Variants in PHACTR1 observed in about 807,000 individuals in gnomAD.
PHACTR1 encodes RPEL repeat containing 1.
A neutral mutation model predicts 69.2 loss-of-function variants in PHACTR1; 16 were observed. The ratio of observed to expected loss-of-function variants is 0.23; its 90% CI spans 0.16 to 0.35. The LOEUF is 0.35. Ranked by LOEUF, PHACTR1 falls within the 10% of genes least tolerant of loss-of-function variation. The pLI, the probability that PHACTR1 is intolerant of heterozygous loss-of-function variation, is 1.00. For synonymous variants in PHACTR1, 312 were observed against 284.5 expected (o/e 1.10, Z -0.97); for missense variants, 510 against 734.7 (o/e 0.69, Z 3.54).
At chr6:12,880,094 C>G (rs1230088545) in intron 4 of PHACTR1, among the ~76,000 whole-genome samples, 1 of 152,098 alleles carries the variant, frequency 6.6e-6, no homozygotes, top group Non-Finnish European at 1.5e-5. Context: ...TCACAGCAAC[C>G]CTTTGAGGTA....
intron 4 of PHACTR1, among the ~76,000 whole-genome samples, chr6:12,833,074 G>C (rs992656633): frequency 6.6e-6 from 1 of 152,106 alleles, no homozygotes; most frequent in African/African-American, 2.4e-5. Context: ...CCATGAAGAA[G>C]TCACTTCACC....
At chr6:12,999,277 G>T (rs371956952) in intron 4 of PHACTR1, among the ~76,000 whole-genome samples, 79 of 152,276 alleles carry the variant, frequency 5.2e-4, no homozygotes, top group African/African-American at 1.8e-3. Flanking sequence ...AATGAACTAG[G>T]TTTACATGAA....
At chr6:13,177,068 T>C (rs1374733111) in intron 6 of PHACTR1, among the ~76,000 whole-genome samples, 1 of 149,772 alleles carries the variant, frequency 6.7e-6, no homozygotes, top group East Asian at 2.0e-4. Context: ...CCAGATATGG[T>C]GGCTCATTCC....
At chr6:13,282,680 A>G (rs1251694776) in intron 12 of PHACTR1, among the ~76,000 whole-genome samples, 1 of 152,140 alleles carries the variant, frequency 6.6e-6, no homozygotes, top group Non-Finnish European at 1.5e-5. Flanking sequence ...TTTTGCATCT[A>G]AAACCCACAC....
chr6:13,106,095 A>C (rs1361361569), intron 5 of PHACTR1, among the ~76,000 whole-genome samples: 1 of 152,186 alleles, frequency 6.6e-6, no homozygotes, highest in Non-Finnish European at 1.5e-5. Context: ...AGGAAGTAGG[A>C]TATGATTGCT....
At chr6:12,865,699 G>T (rs934881223) in intron 4 of PHACTR1, among the ~76,000 whole-genome samples, 1 of 152,194 alleles carries the variant, frequency 6.6e-6, no homozygotes, top group African/African-American at 2.4e-5. Flanking sequence ...GCTGTAAAAT[G>T]ACAGGTTTGA....
chr6:12,809,979 C>G (rs2127693418), intron 4 of PHACTR1, among the ~76,000 whole-genome samples: 1 of 152,248 alleles, frequency 6.6e-6, no homozygotes, highest in Admixed American at 6.5e-5. Context: ...GACTCTAATA[C>G]TAGGAGATGA....
chr6:13,060,663 A>G (rs1216636887), intron 5 of PHACTR1, among the ~76,000 whole-genome samples: 6 of 152,170 alleles, frequency 3.9e-5, no homozygotes, highest in Admixed American at 3.3e-4. Context: ...ATCTCTTCCA[A>G]TGGTGACTGA....
chr6:12,997,183 A>G (rs760731818), intron 4 of PHACTR1, among the ~76,000 whole-genome samples: 2 of 150,488 alleles, frequency 1.3e-5, no homozygotes, highest in Non-Finnish European at 3.0e-5. Context: ...AAGAAAAATT[A>G]TAAATGTATT....
At chr6:13,260,725 G>A (rs887415167) in intron 10 of PHACTR1, among the ~76,000 whole-genome samples, 5 of 152,128 alleles carry the variant, frequency 3.3e-5, no homozygotes, top group African/African-American at 1.2e-4. Context: ...GCACCCCTGG[G>A]CTTTTATCAC....
At chr6:12,797,027 G>A (rs1773086356) in intron 4 of PHACTR1, among the ~76,000 whole-genome samples, 1 of 122,558 alleles carries the variant, frequency 8.2e-6, no homozygotes, top group African/African-American at 2.8e-5. Context: ...GTGTGTGTGT[G>A]TGTGTGTGTG....
chr6:12,937,906 G>C (rs552294595), intron 4 of PHACTR1, among the ~76,000 whole-genome samples: 2 of 152,284 alleles, frequency 1.3e-5, no homozygotes, highest in South Asian at 4.1e-4. Context: ...TTCAAGACCA[G>C]CATGGCCAAC....
intron 4 of PHACTR1, among the ~76,000 whole-genome samples, chr6:12,797,083 T>C (rs1266535549): frequency 4.7e-5 from 7 of 149,348 alleles, no homozygotes; most frequent in African/African-American, 1.7e-4. Flanking sequence ...AGGACTCCAG[T>C]TGGAGAGAAG....
chr6:13,193,967 A>G (rs1047958385), intron 7 of PHACTR1, among the ~76,000 whole-genome samples: 1 of 152,194 alleles, frequency 6.6e-6, no homozygotes, highest in African/African-American at 2.4e-5. Flanking sequence ...TAGGAGCAGC[A>G]GCACCAGTCC....
At chr6:13,281,827 G>A (rs1780316450) in intron 12 of PHACTR1, among the ~76,000 whole-genome samples, 2 of 152,162 alleles carry the variant, frequency 1.3e-5, no homozygotes, top group Non-Finnish European at 2.9e-5. Flanking sequence ...GTGGGTTCCC[G>A]CGACAGGCCC....
intron 10 of PHACTR1, chr6:13,267,392 G>C (rs1477481525): frequency 6.6e-6 from 1 of 152,236 alleles, no homozygotes; most frequent in Non-Finnish European, 1.5e-5. Flanking sequence ...CCAGGGAATA[G>C]AGTCAATGCA....
intron 5 of PHACTR1, among the ~76,000 whole-genome samples, chr6:13,082,521 A>G (rs1418952189): frequency 6.6e-6 from 1 of 152,224 alleles, no homozygotes. Flanking sequence ...AGGAATAGCC[A>G]CACTGACTTC....
intron 10 of PHACTR1, 28 bp from the exon 11 acceptor site, chr6:13,272,832 A>G: frequency 6.2e-7 from 1 of 1,614,088 alleles, no homozygotes; most frequent in Non-Finnish European, 8.5e-7. Flanking sequence ...GATATGGTCC[A>G]AAAACTTTTC....
At chr6:13,236,799 C>T (rs1400795431) in intron 10 of PHACTR1, among the ~76,000 whole-genome samples, 3 of 152,148 alleles carry the variant, frequency 2.0e-5, no homozygotes, top group Non-Finnish European at 4.4e-5. Flanking sequence ...AGACAGAATT[C>T]AATCCATAAC....
Sources: allele counts gnomAD v4.1 joint callset (sites outside exome capture counted in the v4.1 genomes callset), GRCh38; gene constraint gnomAD v4.1.1; transcripts MANE v1.5; gene names NCBI Gene and HGNC (gene_info 2026-07-23, HGNC 2026-07-21).